The following ZNF66 variants were observed in gnomAD, a reference collection of about 807,000 sequenced individuals.
ZNF66 encodes the protein zinc finger protein 66.
A neutral mutation model predicts 35.2 loss-of-function variants in ZNF66; 32 were observed. That is an observed-to-expected ratio of 0.91 (90% CI 0.69 to 1.22). The LOEUF is 1.22. Among genes scored for constraint, ZNF66 ranks in the 50% most tolerant of loss-of-function variants. ZNF66 has a pLI of 0.00. For missense variants in ZNF66, 666 were observed against 543.1 expected, an observed-to-expected ratio of 1.23 and a Z score of -2.25; for synonymous variants, 231 against 181.3, an observed-to-expected ratio of 1.27 and a Z score of -2.20.
At position 20,803,699 on chromosome 19, in the gene ZNF66, A is replaced by T. The variant is rs1404089158; in HGVS notation, c.227-2128A>T. 2.0e-5 allele frequency among the ~76,000 whole-genome samples: 3 copies of T among 152,076 alleles called. 1 individual carries two copies. Among genetic ancestry groups the T allele is most frequent in the Non-Finnish European group, 4.4e-5 (3 of 67,984 alleles). On this transcript the variant is annotated intron_variant, in intron 3 of 3. Transcript: ENST00000344519. ...CCAGAAAGTTACATATTTTCATATGATTATGGGTTGTTTTCTTTCACCATG... is the reference window on the plus strand; with the variant it reads ...CCAGAAAGTTACATATTTTCATATGTTTATGGGTTGTTTTCTTTCACCATG...
chr19:20,793,793 C>G lies in ZNF66; in HGVS notation c.141C>G (p.Val47=), dbSNP rs746335186. 3.9e-6 allele frequency: 4 copies of G among 1,022,588 alleles called. No individual in the cohort carries two copies. Among genetic ancestry groups the G allele is most frequent in the Admixed American group, 2.6e-5 (1 of 38,356 alleles). The allele number at this position is 1,022,588 out of a possible 1,614,324, so 63.3% of individuals were successfully genotyped here. Residue 47 remains valine (V), a synonymous_variant, in exon 3 of 4, where the codon GTC becomes GTG. Coordinates refer to ENST00000344519, the MANE Select transcript of ZNF66 (RefSeq NM_001355197.2). ...YRNLVFLGIV[V]SKPDLITHLE... is the part of the protein sequence containing the mutation. ...TTTTTGATAAAACAGGTATTGTTGT[C>G]TCAAAGCCAGACCTCATCACCCATC...
rs1378286995 is a variant in ZNF66 at position 20,809,881 on chromosome 19, C to T, written c.*2559C>T. On this transcript the variant is annotated 3_prime_UTR_variant, in exon 4 of 4. Transcript: ENST00000344519. The stretch of plus-strand genomic sequence containing the variant: ...AAATGCTCCAATTAAAAGACACAGA[C>T]AGGCAAATTGGATAAATAGTCAAGA... Among the ~76,000 whole-genome samples, 8 of 152,116 alleles carry T rather than the reference C, an allele frequency of 5.3e-5. No homozygotes were observed. The highest frequency in any genetic ancestry group is 1.9e-4 in the East Asian group (1 of 5,194).
At chr19:20,801,673 C>T (rs1356520241) in intron 3 of ZNF66, among the ~76,000 whole-genome samples, 2 of 151,928 alleles carry the variant, frequency 1.3e-5, no homozygotes, top group Non-Finnish European at 2.9e-5. Context: ...GGGTCTCACT[C>T]TGTCAACCAG....
chr19:20,782,480 C>CT (rs1396960027), intron 1 of ZNF66, among the ~76,000 whole-genome samples: 1 of 152,208 alleles, frequency 6.6e-6, no homozygotes, highest in African/African-American at 2.4e-5. Flanking sequence ...AACTAATTTA[C>CT]ACTCCCACCA....
chr19:20,786,251 G>C lies in ZNF66; in HGVS notation c.4-6261G>C, dbSNP rs143108127. Among the ~76,000 whole-genome samples the C allele has an allele frequency of 2.8e-3, 426 of 152,284 alleles. 2 individuals carry two copies. Among genetic ancestry groups the C allele is most frequent in the Middle Eastern group, 0.01 (3 of 294 alleles). On this transcript the variant is annotated intron_variant, in intron 1 of 3. Transcript: ENST00000344519. ...AATATGCAGGCAGAATTGTGTCTCTGCCTATTTGGTATCTAGAGTTCTCTA... is the reference window on the plus strand; with the variant it reads ...AATATGCAGGCAGAATTGTGTCTCTCCCTATTTGGTATCTAGAGTTCTCTA...
In ZNF66 at chr19:20,808,201, G is replaced by C. The variant is rs889841573; in HGVS notation, c.*879G>C. ...CCAGGCTTGCTTAGGTAAAGCAGCT[G>C]GGAAGCTAGAACTGGGTGGAGCCCA... is the stretch of plus-strand genomic sequence containing the variant. On this transcript the variant is annotated 3_prime_UTR_variant, in exon 4 of 4. Transcript: ENST00000344519. 2.0e-5 allele frequency among the ~76,000 whole-genome samples: 3 copies of C among 152,182 alleles called. No homozygotes were observed. The highest frequency in any genetic ancestry group is 7.2e-5 in the African/African-American group (3 of 41,460).
Position 20,807,197 on chromosome 19 carries a change from G to T in ZNF66, c.1597G>T (p.Gly533Ter), listed in dbSNP as rs1183893326. 8.2e-6 allele frequency: 6 copies of T among 732,636 alleles called. No individual in the cohort carries two copies. Among genetic ancestry groups the T allele is most frequent in the African/African-American group, 3.5e-5 (2 of 57,102 alleles). The allele number at this position is 732,636 out of a possible 1,614,324, so 45.4% of individuals were successfully genotyped here. Residue 533 changes from glycine to a stop codon, truncating the protein, a stop_gained, in exon 4 of 4, where the codon GGA becomes TGA. Coordinates refer to ENST00000344519, the MANE Select transcript of ZNF66 (RefSeq NM_001355197.2). LOFTEE classifies it high-confidence loss of function. ...TLTRHKKIHT[G>*]GKPHKCNKCG... Reference sequence around the variant, plus strand: ...TACTAGACATAAGAAAATTCATACTGGAGGGAAACCACACAAGTGCAATAA... The same window carrying T: ...TACTAGACATAAGAAAATTCATACTTGAGGGAAACCACACAAGTGCAATAA...
chr19:20,781,037 C>A (rs1971241101), intron 1 of ZNF66, among the ~76,000 whole-genome samples: 1 of 152,134 alleles, frequency 6.6e-6, no homozygotes, highest in Non-Finnish European at 1.5e-5. Flanking sequence ...CTGGCATATC[C>A]CCATCCACAG....
chr19:20,797,183 T>G (rs1971400818), intron 3 of ZNF66, among the ~76,000 whole-genome samples: 1 of 137,244 alleles, frequency 7.3e-6, no homozygotes, highest in African/African-American at 2.7e-5. Flanking sequence ...CAATGTTGCA[T>G]GCTAGATTTT....
chr19:20,790,950 T>TC (rs1971331574), intron 1 of ZNF66, among the ~76,000 whole-genome samples: 1 of 152,198 alleles, frequency 6.6e-6, no homozygotes, highest in Non-Finnish European at 1.5e-5. Flanking sequence ...CTTCCCTGTA[T>TC]CCCAGAGCCT....
At chr19:20,803,694 A>G (rs1034534441) in intron 3 of ZNF66, among the ~76,000 whole-genome samples, 9 of 152,046 alleles carry the variant, frequency 5.9e-5, no homozygotes, top group Admixed American at 4.6e-4. Flanking sequence ...ACATATTTTC[A>G]TATGATTATG....
rs761559630 is a variant in ZNF66 at position 20,806,844 on chromosome 19, A to G, written c.1244A>G (p.His415Arg). The change falls in exon 4 of 4, where the codon CAT becomes CGT. Residue 415 changes from histidine (H) to arginine (R), a missense_variant. Transcript: ENST00000344519. ...VFKHSSPLSK[H>R]KRIHTGEKPY... ...AAGCACTCCTCTCCCCTTTCTAAAC[A>G]TAAGAGAATTCATACTGGAGAGAAA... 1.0e-5 allele frequency: 14 copies of G among 1,353,028 alleles called. No homozygotes were observed. The highest frequency in any genetic ancestry group is 1.4e-5 in the African/African-American group (1 of 69,900). 83.8% of individuals were successfully genotyped at this position (1,353,028 alleles called of 1,614,324 possible).
intron 3 of ZNF66, chr19:20,794,245 G>A: frequency 4.5e-6 from 1 of 220,214 alleles, no homozygotes; most frequent in Non-Finnish European, 9.0e-6. Context: ...CTATTTTTTA[G>A]TTTTCTTTTT....
intron 1 of ZNF66, among the ~76,000 whole-genome samples, chr19:20,784,173 A>G (rs1971267672): frequency 6.6e-6 from 1 of 152,184 alleles, no homozygotes; most frequent in South Asian, 2.1e-4. Flanking sequence ...TATTATGAAT[A>G]TAAAGCCACA....
At chr19:20,800,533 G>T (rs1971438335) in intron 3 of ZNF66, among the ~76,000 whole-genome samples, 1 of 152,092 alleles carries the variant, frequency 6.6e-6, no homozygotes, top group Non-Finnish European at 1.5e-5. Context: ...GGTCATGAGG[G>T]TGAATTTCTC....
At chr19:20,793,333 T>TTTTC (rs1971359330) in intron 2 of ZNF66, among the ~76,000 whole-genome samples, 1 of 121,896 alleles carries the variant, frequency 8.2e-6, no homozygotes, top group South Asian at 2.7e-4. Context: ...TTTTCTTTTC[T>TTTTC]TTTTTTTTTT....
intron 3 of ZNF66, among the ~76,000 whole-genome samples, chr19:20,803,372 A>G (rs1382216879): frequency 6.7e-6 from 1 of 150,190 alleles, no homozygotes; most frequent in Non-Finnish European, 1.5e-5. Context: ...GTGTATCTGT[A>G]CAGACATTTT....
At chr19:20,791,907 C>T (rs1229874655) in intron 1 of ZNF66, among the ~76,000 whole-genome samples, 1 of 152,028 alleles carries the variant, frequency 6.6e-6, no homozygotes, top group African/African-American at 2.4e-5. Flanking sequence ...AACAAACAAT[C>T]ATTTAATCTG....
chr19:20,797,795 C>T (rs1051816205), intron 3 of ZNF66, among the ~76,000 whole-genome samples: 1 of 152,032 alleles, frequency 6.6e-6, no homozygotes, highest in Non-Finnish European at 1.5e-5. Flanking sequence ...AACTGGTGAC[C>T]TCGTGATTTG....
Sources: allele counts gnomAD v4.1 joint callset (sites outside exome capture counted in the v4.1 genomes callset), GRCh38; gene constraint gnomAD v4.1.1; transcripts MANE v1.5; gene names NCBI Gene and HGNC (gene_info 2026-07-23, HGNC 2026-07-21).